CELF2: variants seen among roughly 807,000 people sequenced by gnomAD.
The protein encoded by CELF2 is CUGBP Elav-like family member 2, also known as CUG triplet repeat RNA-binding protein 2.
A neutral mutation model predicts 62.6 loss-of-function variants in CELF2; 8 were observed. The observed-to-expected ratio is 0.13, with a 90% confidence interval of 0.07 to 0.23. The LOEUF (loss-of-function observed/expected upper bound fraction) is 0.23, where lower values mean the gene tolerates loss of function less well. Among genes scored for constraint, CELF2 ranks in the 10% least tolerant of loss-of-function variants. The pLI is 1.00. For synonymous variants in CELF2, 258 were observed against 250.0 expected, an observed-to-expected ratio of 1.03 and a Z score of -0.30; for missense variants, 333 against 671.0, an observed-to-expected ratio of 0.50 and a Z score of 5.56.
the CELF2 span, among the ~76,000 whole-genome samples, chr10:10,515,321 A>G: frequency 2.6e-5 from 3 of 115,436 alleles, no homozygotes; most frequent in African/African-American, 1.2e-4. Flanking sequence ...GCTAAAACTA[A>G]TCATGTTCAT....
At chr10:10,896,029 A>C (rs1427916543) in intron 1 of CELF2, among the ~76,000 whole-genome samples, 3 of 152,182 alleles carry the variant, frequency 2.0e-5, no homozygotes, top group Non-Finnish European at 4.4e-5. Context: ...GAGAGCTGAG[A>C]GCTATGTAGT....
Position 11,319,045 on chromosome 10 carries a change from C to T in CELF2, c.1097-2144C>T. On this transcript the variant is annotated intron_variant, in intron 10 of 12. Coordinates refer to ENST00000633077, the MANE Select transcript of CELF2 (RefSeq NM_001326342.2). This position sits in a 1 kb window ranked among gnomAD's most constrained non-coding sequence, Gnocchi z 4.4. ...CGTCTGGCAGCAAGGCCCCACATGG[C>T]TCTGCAGGCTGCGAGGCACACCCAG... The T allele has an allele frequency of 2.1e-6, 1 of 470,928 alleles. No individual in the cohort carries two copies. The highest frequency in any genetic ancestry group is 1.5e-5 in the South Asian group (1 of 64,568). The allele number at this position is 470,928 out of a possible 1,614,324, so 29.2% of individuals were successfully genotyped here.
At chr10:10,684,606 A>G in the CELF2 span, among the ~76,000 whole-genome samples, 30 of 152,100 alleles carry the variant, frequency 2.0e-4, no homozygotes, top group African/African-American at 7.0e-4. Context: ...TTAGCTGGGC[A>G]TGAGGCATGC....
the CELF2 span, among the ~76,000 whole-genome samples, chr10:10,547,163 G>A: frequency 7.3e-5 from 11 of 151,390 alleles, no homozygotes; most frequent in African/African-American, 1.9e-4. Context: ...GTAGGGAGCC[G>A]AGCATCTTGG....
chr10:10,726,937 T>C, the CELF2 span, among the ~76,000 whole-genome samples: 2 of 152,166 alleles, frequency 1.3e-5, no homozygotes, highest in South Asian at 2.1e-4. Flanking sequence ...TTTTGACTCA[T>C]GGCGGAAGGC....
In CELF2 at chr10:11,244,468, A is replaced by G. The variant is rs555955607; in HGVS notation, c.355-4685A>G. Reference sequence around the variant, plus strand: ...GGAGATCGAGACCATCGTGGCTAACATGGTGAAACCCTGTCTCTGCTAAAA... The same window carrying G: ...GGAGATCGAGACCATCGTGGCTAACGTGGTGAAACCCTGTCTCTGCTAAAA... On this transcript the variant is annotated intron_variant, in intron 3 of 12. Transcript: ENST00000633077. The surrounding 1 kb of genome is among the most constrained non-coding windows in gnomAD (Gnocchi z 4.2). Among the ~76,000 whole-genome samples, 7 of 152,134 alleles carry G rather than the reference A, an allele frequency of 4.6e-5. No homozygotes were observed. Among genetic ancestry groups the G allele is most frequent in the Non-Finnish European group, 1.0e-4 (7 of 68,018 alleles).
intron 1 of CELF2, among the ~76,000 whole-genome samples, chr10:11,164,136 C>T (rs1244489455): frequency 3.3e-5 from 5 of 152,186 alleles, no homozygotes; most frequent in African/African-American, 4.8e-5. Flanking sequence ...TGCTTTGTTT[C>T]GGCGCCTTCT....
At chr10:10,843,537 T>C (rs947606818) in intron 1 of CELF2, among the ~76,000 whole-genome samples, 3 of 152,056 alleles carry the variant, frequency 2.0e-5, no homozygotes, top group African/African-American at 7.2e-5. Flanking sequence ...AAACATACTT[T>C]GTATGGTCTA....
chr10:11,289,960 A>AT (rs1023774295), intron 9 of CELF2, among the ~76,000 whole-genome samples: 15 of 151,980 alleles, frequency 9.9e-5, no homozygotes, highest in African/African-American at 2.7e-4. Flanking sequence ...CTTAAGAGGG[A>AT]TTTTTTTTCT....
chr10:10,772,858 T>C, the CELF2 span, among the ~76,000 whole-genome samples: 152 of 152,312 alleles, frequency 1.0e-3, 2 homozygotes, highest in South Asian at 0.014. Flanking sequence ...TATTTGAACA[T>C]CTTTAAAAAT....
intron 1 of CELF2, among the ~76,000 whole-genome samples, chr10:11,148,883 C>A (rs1283766604): frequency 6.6e-6 from 1 of 151,400 alleles, no homozygotes; most frequent in African/African-American, 2.4e-5. Flanking sequence ...CAAAGCAAGC[C>A]CAGTAGCCTG....
At chr10:11,043,186 A>C (rs1012878708) in intron 1 of CELF2, among the ~76,000 whole-genome samples, 1 of 152,122 alleles carries the variant, frequency 6.6e-6, no homozygotes, top group African/African-American at 2.4e-5. Context: ...CCATCCCAGG[A>C]TCACGATCAG....
intron 2 of CELF2, among the ~76,000 whole-genome samples, chr10:10,989,651 G>A (rs2053209846): frequency 2.0e-5 from 3 of 151,872 alleles, no homozygotes; most frequent in African/African-American, 7.3e-5. Context: ...AATAAAATAA[G>A]CAAGTTATTG....
chr10:10,944,143 C>G (rs1336761257), intron 2 of CELF2: 2 of 152,584 alleles, frequency 1.3e-5, no homozygotes, highest in African/African-American at 4.8e-5. Flanking sequence ...AGTGTCCCTA[C>G]CCCACCACAA....
the CELF2 span, among the ~76,000 whole-genome samples, chr10:10,701,044 A>G: frequency 1.3e-5 from 2 of 152,214 alleles, no homozygotes; most frequent in Non-Finnish European, 2.9e-5. Context: ...ATAAGTACGA[A>G]CAATAAAACC....
In CELF2 at chr10:11,329,152, G is replaced by A; in HGVS notation, c.*99G>A. On this transcript the variant is annotated 3_prime_UTR_variant, in exon 13 of 13. Coordinates refer to ENST00000633077, the MANE Select transcript of CELF2 (RefSeq NM_001326342.2). The surrounding 1 kb of genome is among the most constrained non-coding windows in gnomAD (Gnocchi z 5.5). Reference sequence around the variant, plus strand: ...AGGGAAGGCAGAGGAGGACCACATTGCCAACTTTTACCAAGAGAGACGGTT... The same window carrying A: ...AGGGAAGGCAGAGGAGGACCACATTACCAACTTTTACCAAGAGAGACGGTT... The A allele has an allele frequency of 7.7e-7, 1 of 1,297,254 alleles. No homozygotes were observed. The highest frequency in any genetic ancestry group is 1.0e-6 in the Non-Finnish European group (1 of 960,798). The allele number at this position is 1,297,254 out of a possible 1,614,324, so 80.4% of individuals were successfully genotyped here.
At chr10:10,466,572 G>T in the CELF2 span, among the ~76,000 whole-genome samples, 1 of 152,066 alleles carries the variant, frequency 6.6e-6, no homozygotes, top group East Asian at 1.9e-4. Context: ...AGCTAGAATT[G>T]AAAAGGCTGG....
chr10:10,846,710 C>G (rs940603111), intron 1 of CELF2, among the ~76,000 whole-genome samples: 5 of 152,228 alleles, frequency 3.3e-5, no homozygotes, highest in African/African-American at 1.2e-4. Flanking sequence ...TAACACTGAG[C>G]AGAACGATGC....
At chr10:10,839,823 T>C (rs2058558926) in intron 1 of CELF2, among the ~76,000 whole-genome samples, 1 of 152,240 alleles carries the variant, frequency 6.6e-6, no homozygotes, top group Non-Finnish European at 1.5e-5. Flanking sequence ...TATATTATCA[T>C]AGAGAATAGT....
Sources: gnomAD v4.1 joint callset for allele counts (sites outside exome capture counted in the v4.1 genomes callset) on GRCh38, gnomAD v4.1.1 for gene constraint, Gnocchi (gnomAD v3.1) non-coding constraint, MANE v1.5 for transcripts, NCBI Gene and HGNC (gene_info 2026-07-23, HGNC 2026-07-21) for gene names.